MCTP1: variants seen among roughly 807,000 people sequenced by gnomAD.
The protein encoded by MCTP1 is multiple C2 and transmembrane domain containing 1.
A neutral mutation model predicts 120.6 loss-of-function variants in MCTP1; 69 were observed. The ratio of observed to expected loss-of-function variants is 0.57; its 90% CI spans 0.47 to 0.70. MCTP1 has a LOEUF of 0.70. Ranked by LOEUF, MCTP1 falls within the 30% of genes least tolerant of loss-of-function variation. The pLI, the probability that MCTP1 is intolerant of heterozygous loss-of-function variation, is 0.00. For synonymous variants in MCTP1, 529 were observed against 493.1 expected, an observed-to-expected ratio of 1.07 and a Z score of -0.96; for missense variants, 1,203 against 1,248.8, an observed-to-expected ratio of 0.96 and a Z score of 0.55.
chr5:95,002,857 A>G (rs1321468967), intron 2 of MCTP1, among the ~76,000 whole-genome samples: 1 of 152,072 alleles, frequency 6.6e-6, no homozygotes, highest in East Asian at 1.9e-4. Flanking sequence ...TTTGGGAGGG[A>G]CCAAGGGTGG....
intron 1 of MCTP1, among the ~76,000 whole-genome samples, chr5:95,086,838 T>C (rs1755476802): frequency 6.6e-6 from 1 of 152,202 alleles, no homozygotes; most frequent in Non-Finnish European, 1.5e-5. Context: ...AAATGGTGCA[T>C]ATACCTTCCT....
intron 5 of MCTP1, among the ~76,000 whole-genome samples, chr5:94,934,069 C>T (rs1383024937): frequency 2.6e-5 from 4 of 151,828 alleles, no homozygotes; most frequent in Non-Finnish European, 4.4e-5. Flanking sequence ...TATAACATTT[C>T]TGCCTCTTGA....
intron 1 of MCTP1, among the ~76,000 whole-genome samples, chr5:95,061,397 ACC>A (rs1749052929): frequency 8.2e-6 from 1 of 122,458 alleles, no homozygotes; most frequent in South Asian, 2.7e-4. Flanking sequence ...ATTTTCACAA[ACC>A]CCTTAAGGGT....
chr5:95,282,433 A>G (rs1760398916), intron 1 of MCTP1, among the ~76,000 whole-genome samples: 1 of 152,202 alleles, frequency 6.6e-6, no homozygotes, highest in African/African-American at 2.4e-5. Flanking sequence ...AAAAATGTAA[A>G]GTTCCCCAAC....
At chr5:94,872,251 T>A (rs936992394) in intron 13 of MCTP1, among the ~76,000 whole-genome samples, 1 of 152,100 alleles carries the variant, frequency 6.6e-6, no homozygotes, top group Non-Finnish European at 1.5e-5. Context: ...ATGGCTTTGA[T>A]AATAATCAAA....
intron 2 of MCTP1, among the ~76,000 whole-genome samples, chr5:95,004,618 C>A (rs1208713357): frequency 6.6e-6 from 1 of 152,152 alleles, no homozygotes; most frequent in African/African-American, 2.4e-5. Context: ...TGCTAAAAGG[C>A]CCCAGATATG....
intron 4 of MCTP1, among the ~76,000 whole-genome samples, chr5:94,941,788 AC>A (rs143851507): frequency 0.044 from 6,730 of 152,052 alleles, 385 homozygotes; most frequent in African/African-American, 0.13. Context: ...AATATTAGTA[AC>A]AATAGTAACT....
At chr5:95,245,031 C>T (rs1756599380) in intron 1 of MCTP1, among the ~76,000 whole-genome samples, 1 of 152,144 alleles carries the variant, frequency 6.6e-6, no homozygotes, top group African/African-American at 2.4e-5. Flanking sequence ...GATACCCAGG[C>T]AAACAGGGTC....
intron 17 of MCTP1, among the ~76,000 whole-genome samples, chr5:94,804,234 A>G (rs1781795882): frequency 6.6e-6 from 1 of 152,184 alleles, no homozygotes; most frequent in East Asian, 1.9e-4. Flanking sequence ...TAGAAGCCCA[A>G]AGAAGTGATT....
At chr5:94,894,332 A>T (rs1581224662) in intron 11 of MCTP1, among the ~76,000 whole-genome samples, 1 of 152,234 alleles carries the variant, frequency 6.6e-6, no homozygotes, top group African/African-American at 2.4e-5. Context: ...TCAATAAATT[A>T]ATTTTAAAGT....
intron 1 of MCTP1, among the ~76,000 whole-genome samples, chr5:95,253,060 C>T (rs1757527979): frequency 6.6e-6 from 1 of 152,114 alleles, no homozygotes; most frequent in East Asian, 1.9e-4. Context: ...TGAGCCAATG[C>T]TGTCTAACAT....
At chr5:95,247,660 T>C (rs982297894) in intron 1 of MCTP1, among the ~76,000 whole-genome samples, 1 of 152,232 alleles carries the variant, frequency 6.6e-6, no homozygotes, top group Non-Finnish European at 1.5e-5. Flanking sequence ...CCAGTAGTCA[T>C]TCAGGAGCAG....
At chr5:94,789,691 A>G (rs1008609786) in intron 18 of MCTP1, 10 of 152,210 alleles carry the variant, frequency 6.6e-5, no homozygotes, top group Non-Finnish European at 1.5e-4. Context: ...AACATTCTGC[A>G]TGCTGTATAC....
intron 19 of MCTP1, among the ~76,000 whole-genome samples, chr5:94,747,447 G>T (rs929220630): frequency 2.0e-5 from 3 of 152,052 alleles, no homozygotes; most frequent in Non-Finnish European, 4.4e-5. Context: ...TCTGTAAAGG[G>T]CTAAATAGTA....
chr5:95,195,486 A>C (rs1398501365), intron 1 of MCTP1, among the ~76,000 whole-genome samples: 1 of 152,222 alleles, frequency 6.6e-6, no homozygotes, highest in Non-Finnish European at 1.5e-5. Context: ...GCATGATCAC[A>C]GAAAGAATTG....
intron 1 of MCTP1, among the ~76,000 whole-genome samples, chr5:95,223,086 C>T (rs1380903847): frequency 6.6e-6 from 1 of 152,206 alleles, no homozygotes; most frequent in Non-Finnish European, 1.5e-5. Flanking sequence ...AATCCACTTA[C>T]TTACTTATTT....
intron 17 of MCTP1, among the ~76,000 whole-genome samples, chr5:94,828,388 G>A (rs1462646454): frequency 6.6e-6 from 1 of 152,288 alleles, no homozygotes; most frequent in Non-Finnish European, 1.5e-5. Context: ...GGCGTCTGTC[G>A]ACCTGTGATG....
intron 1 of MCTP1, among the ~76,000 whole-genome samples, chr5:95,163,549 C>T (rs1047587796): frequency 1.3e-5 from 2 of 152,180 alleles, no homozygotes; most frequent in Non-Finnish European, 1.5e-5. Context: ...AGTAGGACTG[C>T]CTAACACGTG....
intron 1 of MCTP1, among the ~76,000 whole-genome samples, chr5:95,200,987 A>G (rs775930678): frequency 4.6e-5 from 7 of 152,270 alleles, no homozygotes; most frequent in Non-Finnish European, 8.8e-5. Context: ...TCAGCATAAC[A>G]TAATGTAAAT....
Sources: allele counts gnomAD v4.1 joint callset (sites outside exome capture counted in the v4.1 genomes callset), GRCh38; gene constraint gnomAD v4.1.1; transcripts MANE v1.5; gene names NCBI Gene and HGNC (gene_info 2026-07-23, HGNC 2026-07-21).